The following IMMT variants were observed in gnomAD, a reference collection of about 807,000 sequenced individuals.
The protein encoded by IMMT is MICOS complex subunit MIC60.
IMMT carries 40 observed loss-of-function variants against 92.7 expected under a neutral mutation model. That is an observed-to-expected ratio of 0.43 (90% CI 0.34 to 0.56). The LOEUF (loss-of-function observed/expected upper bound fraction) is 0.56. Among genes scored for constraint, IMMT ranks in the 20% least tolerant of loss-of-function variants. The pLI is 0.03. For missense variants in IMMT, 831 were observed against 912.1 expected (o/e 0.91, Z 1.14); for synonymous variants, 322 against 336.1 (o/e 0.96, Z 0.46).
chr2:86,193,053 C>A (rs1673257236), intron 1 of IMMT: 1 of 153,212 alleles, frequency 6.5e-6, no homozygotes, highest in Admixed American at 6.6e-5. Flanking sequence ...TTACTATTCC[C>A]TCCTAGAGTA....
At chr2:86,177,340 C>T (rs961321300) in intron 3 of IMMT, among the ~76,000 whole-genome samples, 5 of 151,700 alleles carry the variant, frequency 3.3e-5, no homozygotes, top group South Asian at 2.1e-4. Flanking sequence ...CAGTGGCTCA[C>T]GCCTGTAATC....
intron 3 of IMMT, among the ~76,000 whole-genome samples, chr2:86,174,884 C>G (rs1210573864): frequency 6.6e-6 from 1 of 152,118 alleles, no homozygotes; most frequent in South Asian, 2.1e-4. Context: ...TTTTGTTTTG[C>G]TTTGCTGCTA....
chr2:86,190,023 GT>G (rs1180750905), intron 1 of IMMT, among the ~76,000 whole-genome samples: 1 of 152,132 alleles, frequency 6.6e-6, no homozygotes, highest in Admixed American at 6.5e-5. Context: ...TGACACTTTA[GT>G]TTTCCCTGCA....
intron 1 of IMMT, among the ~76,000 whole-genome samples, chr2:86,190,085 C>T (rs957407189): frequency 2.6e-5 from 4 of 152,026 alleles, no homozygotes; most frequent in African/African-American, 4.8e-5. Flanking sequence ...TAAGTTACGG[C>T]GTAAGATGTA....
Position 86,171,231 on chromosome 2 carries a change from C to T in IMMT, c.536G>A (p.Gly179Glu), listed in dbSNP as rs772260974. The T allele has an allele frequency of 6.3e-7, 1 of 1,599,328 alleles. No homozygotes were observed. Among genetic ancestry groups the T allele is most frequent in the Non-Finnish European group, 8.5e-7 (1 of 1,172,012 alleles). The change falls in exon 5 of 15, where the codon GGA becomes GAA. Residue 179 changes from glycine to glutamate, a missense_variant. By Grantham distance (98) the Gly-to-Glu change is moderately conservative. Coordinates refer to ENST00000410111, the MANE Select transcript of IMMT (RefSeq NM_006839.3). ...ACCTGAAAGTGCAGGTGTGGGTTTTCCTTCACCAATTTCAGGGTGATCAGT... is the reference window on the plus strand; with the variant it reads ...ACCTGAAAGTGCAGGTGTGGGTTTTTCTTCACCAATTTCAGGGTGATCAGT... Reference protein sequence around the residue: ...LKTDHPEIGEGKPTPALSEEA... With the variant: ...LKTDHPEIGEEKPTPALSEEA...
intron 1 of IMMT, chr2:86,194,850 G>A (rs759162935): frequency 1.1e-4 from 18 of 169,916 alleles, no homozygotes; most frequent in Non-Finnish European, 2.1e-4. Context: ...GCTGCGAAAA[G>A]AAAGGCACTC....
intron 2 of IMMT, 22 bp from the exon 3 acceptor site, chr2:86,179,644 T>C: frequency 6.4e-7 from 1 of 1,558,932 alleles, no homozygotes; most frequent in Non-Finnish European, 8.6e-7. Flanking sequence ...AAACAGGAAA[T>C]ACATTTATAT....
At chr2:86,145,054 C>T (rs956843175) in intron 14 of IMMT, among the ~76,000 whole-genome samples, 173 bp from the exon 15 acceptor site, 1 of 124,822 alleles carries the variant, frequency 8.0e-6, no homozygotes, top group Non-Finnish European at 1.8e-5. Flanking sequence ...TCCTAGCTGG[C>T]CTCTTCATAT....
chr2:86,151,865 A>AT (rs937288640), intron 11 of IMMT, among the ~76,000 whole-genome samples: 7 of 152,234 alleles, frequency 4.6e-5, no homozygotes, highest in African/African-American at 1.7e-4. Flanking sequence ...TCTTTCAGGC[A>AT]TAACTCTGAT....
intron 7 of IMMT, among the ~76,000 whole-genome samples, chr2:86,165,023 T>C (rs1371505846): frequency 6.6e-6 from 1 of 152,244 alleles, no homozygotes; most frequent in East Asian, 1.9e-4. Flanking sequence ...CATTCCAAAA[T>C]GTGTTCATAC....
At chr2:86,160,628 C>CAAATAACTA (rs3835959) in intron 8 of IMMT, among the ~76,000 whole-genome samples, 56,284 of 151,568 alleles carry the variant, frequency 0.37, 12,718 homozygotes, top group Non-Finnish European at 0.51. Flanking sequence ...TTTTGAGTGA[C>CAAATAACTA]AAATAACTAT....
Position 86,144,658 on chromosome 2 carries a change from C to G in IMMT, c.1887G>C (p.Glu629Asp), listed in dbSNP as rs372081629. 3.7e-6 allele frequency: 6 copies of G among 1,613,938 alleles called. 1 individual carries two copies. The South Asian group carries it at 6.6e-5, about 18-fold the overall frequency. Reference sequence around the variant, plus strand: ...CAGCATAGAAACGGGCTCTAAGGGTCTCTTCACTGTACACCCCACGGGTCA... The same window carrying G: ...CAGCATAGAAACGGGCTCTAAGGGTGTCTTCACTGTACACCCCACGGGTCA... ...ESLTRGVYSE[E>D]TLRARFYAVQ... The change falls in exon 15 of 15, where the codon GAG (glutamate) becomes GAC (aspartate). Residue 629 changes from glutamate (E) to aspartate (D), a missense_variant. Transcript: ENST00000410111.
chr2:86,179,394 T>C, intron 3 of IMMT, 39 bp downstream of exon 3: 1 of 1,463,950 alleles, frequency 6.8e-7, no homozygotes, highest in Non-Finnish European at 9.1e-7. Context: ...TTTTAAAGTA[T>C]TTCATTGGAT....
In IMMT at chr2:86,144,389, C is replaced by T. The variant is rs752714248; in HGVS notation, c.2156G>A (p.Arg719Gln). Residue 719 changes from arginine to glutamine, a missense_variant, in exon 15 of 15, where the codon CGA becomes CAA. Transcript: ENST00000410111. Reference sequence around the variant, plus strand: ...TTCCTTCAGCCAGTCCTGTGCCACTCGTCTGGATTCCCCCTTCAGCTGATT... The same window carrying T: ...TTCCTTCAGCCAGTCCTGTGCCACTTGTCTGGATTCCCCCTTCAGCTGATT... The part of the protein sequence containing the change: ...FVNQLKGESR[R>Q]VAQDWLKEAR... The T allele has an allele frequency of 1.3e-5, 21 of 1,613,898 alleles. No individual in the cohort carries two copies. The highest frequency in any genetic ancestry group is 1.7e-5 in the Admixed American group (1 of 60,006).
At chr2:86,173,423 A>ATAGAAAAT (rs1677234715) in intron 4 of IMMT, 1 of 401,280 alleles carries the variant, frequency 2.5e-6, no homozygotes, top group Non-Finnish European at 4.5e-6. Flanking sequence ...TCTACTAAAA[A>ATAGAAAAT]TAGAAAATTA....
intron 9 of IMMT, among the ~76,000 whole-genome samples, chr2:86,158,960 A>G (rs1228727707): frequency 6.6e-6 from 1 of 152,154 alleles, no homozygotes; most frequent in East Asian, 1.9e-4. Flanking sequence ...ATATAAGTGC[A>G]GGCAGAAGAT....
intron 9 of IMMT, among the ~76,000 whole-genome samples, chr2:86,159,065 G>T (rs1250552751): frequency 6.6e-6 from 1 of 151,594 alleles, no homozygotes; most frequent in Non-Finnish European, 1.5e-5. Context: ...CAATCCACTT[G>T]GTTGGTGTCC....
chr2:86,151,891 T>C (rs1054674416), intron 11 of IMMT, among the ~76,000 whole-genome samples: 1 of 152,238 alleles, frequency 6.6e-6, no homozygotes, highest in African/African-American at 2.4e-5. Flanking sequence ...ATAACAGGCA[T>C]CCAATTGAAG....
At chr2:86,150,429 G>GA (rs1487244142) in intron 12 of IMMT, among the ~76,000 whole-genome samples, 1 of 152,158 alleles carries the variant, frequency 6.6e-6, no homozygotes, top group African/African-American at 2.4e-5. Context: ...CAAGGTAAGA[G>GA]AAAGGCCAGA....
Sources: gnomAD v4.1 joint callset for allele counts (sites outside exome capture counted in the v4.1 genomes callset) on GRCh38, gnomAD v4.1.1 for gene constraint, MANE v1.5 for transcripts, NCBI Gene and HGNC (gene_info 2026-07-23, HGNC 2026-07-21) for gene names.